INSL6: variants seen among roughly 807,000 people sequenced by gnomAD.
The protein encoded by INSL6 is insulin-like peptide INSL6.
INSL6 carries 16 observed loss-of-function variants against 9.4 expected under a neutral mutation model. The ratio of observed to expected loss-of-function variants is 1.70; its 90% CI spans 1.15 to 2.59. INSL6 has a LOEUF of 2.59. Ranked by LOEUF, INSL6 falls within the 30% of genes most tolerant of loss-of-function variation. The pLI, the probability that INSL6 is intolerant of heterozygous loss-of-function variation, is 0.00. For synonymous variants in INSL6, 154 were observed against 96.9 expected (o/e 1.59, Z -3.46); for missense variants, 391 against 257.3 (o/e 1.52, Z -3.56).
chr9:5,146,982 C>A (rs1824612391), intron 2 of INSL6, among the ~76,000 whole-genome samples: 1 of 152,108 alleles, frequency 6.6e-6, no homozygotes, highest in African/African-American at 2.4e-5. Context: ...CAGGTAGGAC[C>A]AGCCCTATCT....
the INSL6 span, among the ~76,000 whole-genome samples, chr9:5,023,689 C>T: frequency 0.015 from 2,276 of 152,298 alleles, 11 homozygotes; most frequent in South Asian, 0.024. Context: ...TCCTTCCTTG[C>T]TTTTCTGTTG....
intron 3 of INSL6, among the ~76,000 whole-genome samples, chr9:5,129,086 G>A (rs953365044): frequency 6.6e-6 from 1 of 151,940 alleles, no homozygotes; most frequent in Non-Finnish European, 1.5e-5. Flanking sequence ...TTACAGTCAA[G>A]TGTAATTTTC....
the INSL6 span, among the ~76,000 whole-genome samples, chr9:5,070,484 T>G: frequency 6.6e-6 from 1 of 152,234 alleles, no homozygotes; most frequent in Non-Finnish European, 1.5e-5. Context: ...GATACTTAAG[T>G]GGAACCTGTG....
chr9:5,059,151 C>A, the INSL6 span, among the ~76,000 whole-genome samples: 1 of 152,142 alleles, frequency 6.6e-6, no homozygotes, highest in Non-Finnish European at 1.5e-5. Flanking sequence ...ATTTGTACAT[C>A]TTTGTAGCCA....
At chr9:5,124,717 A>G (rs1266460740) in intron 3 of INSL6, among the ~76,000 whole-genome samples, 1 of 151,814 alleles carries the variant, frequency 6.6e-6, no homozygotes, top group Non-Finnish European at 1.5e-5. Flanking sequence ...AAACACATAG[A>G]TCAATGGAAC....
At chr9:5,044,619 T>A in the INSL6 span, 1 of 709,860 alleles carries the variant, frequency 1.4e-6, no homozygotes, top group Non-Finnish European at 2.3e-6. Context: ...ATGGGAAAAT[T>A]GCAGTTCTGT....
chr9:5,041,896 G>A, the INSL6 span: 1 of 415,916 alleles, frequency 2.4e-6, no homozygotes, highest in African/African-American at 2.1e-5. Flanking sequence ...CAGGGCGCCT[G>A]CAGAGATGGA....
At chr9:5,052,551 A>G in the INSL6 span, among the ~76,000 whole-genome samples, 1 of 152,130 alleles carries the variant, frequency 6.6e-6, no homozygotes, top group African/African-American at 2.4e-5. Flanking sequence ...ATTTTGTATT[A>G]TATTCACAGG....
At chr9:5,177,491 G>T (rs889473685) in intron 1 of INSL6, among the ~76,000 whole-genome samples, 11 of 152,310 alleles carry the variant, frequency 7.2e-5, no homozygotes, top group Admixed American at 6.5e-4. Flanking sequence ...TCTCAGCAGA[G>T]CAAACGCTCA....
chr9:4,994,176 A>G, the INSL6 span, among the ~76,000 whole-genome samples: 1 of 152,146 alleles, frequency 6.6e-6, no homozygotes, highest in Non-Finnish European at 1.5e-5. Context: ...TAGAAGTTTG[A>G]TGATGTTTTT....
At chr9:5,056,734 A>C in the INSL6 span, among the ~76,000 whole-genome samples, 8 of 152,306 alleles carry the variant, frequency 5.3e-5, no homozygotes, top group East Asian at 1.5e-3. Flanking sequence ...TATCAACCTC[A>C]ATGTGGATAT....
At chr9:5,131,984 G>A (rs554822547) in intron 3 of INSL6, 4 of 152,124 alleles carry the variant, frequency 2.6e-5, no homozygotes, top group African/African-American at 7.2e-5. Context: ...GAATCTCATG[G>A]TACCACTTTT....
intron 1 of INSL6, among the ~76,000 whole-genome samples, chr9:5,168,379 C>A (rs1405211110): frequency 1.3e-5 from 2 of 152,098 alleles, no homozygotes; most frequent in Admixed American, 1.3e-4. Context: ...GAGAGGAAGA[C>A]AAGTAACCTG....
chr9:4,998,684 TTAA>T, the INSL6 span, among the ~76,000 whole-genome samples: 5 of 152,018 alleles, frequency 3.3e-5, no homozygotes, highest in African/African-American at 1.2e-4. Flanking sequence ...GTAGTCATCA[TTAA>T]GCATGATTCT....
intron 2 of INSL6, among the ~76,000 whole-genome samples, chr9:5,140,675 A>G (rs977250126): frequency 1.3e-5 from 2 of 151,906 alleles, no homozygotes; most frequent in African/African-American, 4.8e-5. Flanking sequence ...GCAGAGCCAG[A>G]TATTAACTTC....
the INSL6 span, chr9:5,094,593 C>T: frequency 6.6e-6 from 1 of 152,128 alleles, no homozygotes; most frequent in African/African-American, 2.4e-5. Context: ...ACTCTGACCG[C>T]TCCTACCATC....
At chr9:5,103,644 A>C in the INSL6 span, among the ~76,000 whole-genome samples, 1 of 152,216 alleles carries the variant, frequency 6.6e-6, no homozygotes, top group African/African-American at 2.4e-5. Flanking sequence ...CATCACACTT[A>C]TTCCAAAATA....
chr9:5,151,869 A>C (rs2130895587), intron 2 of INSL6, among the ~76,000 whole-genome samples: 1 of 152,302 alleles, frequency 6.6e-6, no homozygotes, highest in Admixed American at 6.5e-5. Context: ...AAAAGCAAGA[A>C]CCAATGACAC....
chr9:5,033,403 C>A, the INSL6 span, among the ~76,000 whole-genome samples: 5 of 152,272 alleles, frequency 3.3e-5, no homozygotes, highest in African/African-American at 7.2e-5. Flanking sequence ...CACAAAGATA[C>A]TCCTTGAGAA....
Sources: allele counts gnomAD v4.1 joint callset (sites outside exome capture counted in the v4.1 genomes callset), GRCh38; gene constraint gnomAD v4.1.1; transcripts MANE v1.5; gene names NCBI Gene and HGNC (gene_info 2026-07-23, HGNC 2026-07-21).